Variants in CCT3 observed in about 807,000 individuals in gnomAD.
CCT3 encodes chaperonin containing TCP1 subunit 3.
Under a neutral mutation model 65.3 loss-of-function variants are expected in CCT3, and 10 were observed. That is an observed-to-expected ratio of 0.15 (90% CI 0.09 to 0.26). The LOEUF is 0.26. Ranked by LOEUF, CCT3 falls within the 10% of genes least tolerant of loss-of-function variation. CCT3 has a pLI of 1.00. For synonymous variants in CCT3, 225 were observed against 242.3 expected, an observed-to-expected ratio of 0.93 and a Z score of 0.66; for missense variants, 626 against 708.7, an observed-to-expected ratio of 0.88 and a Z score of 1.33.
At chr1:156,325,132 G>A (rs1664746244) in intron 5 of CCT3, 43 bp from the exon 6 acceptor site, 4 of 1,332,724 alleles carry the variant, frequency 3.0e-6, no homozygotes, top group Non-Finnish European at 4.3e-6. Context: ...AAAGCATCTG[G>A]ATATCAAGGC....
At position 156,310,623 on chromosome 1, in the gene CCT3, T is replaced by C. The variant is rs141644009; in HGVS notation, c.1468A>G (p.Met490Val). ...GGCTCCCATATGCCCAGTTCCTTCA[T>C]GTCCACCAAAGTACCCGTCTCACCA... ...VNGETGTLVD[M>V]KELGIWEPLA... Residue 490 changes from methionine to valine, a missense_variant, in exon 13 of 14, where the codon ATG becomes GTG. Physicochemically the swap from Met to Val is conservative, Grantham distance 21. Transcript: ENST00000295688. The C allele has an allele frequency of 8.1e-6, 13 of 1,613,994 alleles. No individual in the cohort carries two copies. Among genetic ancestry groups the C allele is most frequent in the Admixed American group, 1.7e-5 (1 of 59,998 alleles).
chr1:156,324,744 C>A (rs1664729851), intron 6 of CCT3, among the ~76,000 whole-genome samples: 1 of 152,156 alleles, frequency 6.6e-6, no homozygotes, highest in African/African-American at 2.4e-5. Flanking sequence ...TCTCCTGCCT[C>A]AGCCTCCCAA....
At chr1:156,322,639 C>T (rs938150770) in intron 6 of CCT3, among the ~76,000 whole-genome samples, 1 of 152,122 alleles carries the variant, frequency 6.6e-6, no homozygotes, top group East Asian at 1.9e-4. Context: ...AGGCGGATCA[C>T]CTGAGGTCGG....
intron 10 of CCT3, among the ~76,000 whole-genome samples, chr1:156,314,693 G>A (rs780437558): frequency 4.6e-5 from 7 of 151,974 alleles, no homozygotes; most frequent in South Asian, 2.1e-4. Flanking sequence ...CAGCGTGGGC[G>A]ACAAGAGCGA....
chr1:156,311,248 C>T (rs1572626227), intron 11 of CCT3, 53 bp from the exon 12 acceptor site: 10 of 1,570,774 alleles, frequency 6.4e-6, no homozygotes, highest in East Asian at 2.2e-5. Context: ...CTCATAAAAT[C>T]GGAGGCACCA....
intron 7 of CCT3, among the ~76,000 whole-genome samples, chr1:156,319,289 T>C (rs1413376498): frequency 2.0e-5 from 3 of 151,812 alleles, no homozygotes; most frequent in Admixed American, 1.3e-4. Context: ...ATTTTTTTTT[T>C]TGTATTTTAC....
At chr1:156,327,027 T>C (rs942825463) in intron 5 of CCT3, among the ~76,000 whole-genome samples, 20 of 152,278 alleles carry the variant, frequency 1.3e-4, no homozygotes, top group Admixed American at 3.3e-4. Flanking sequence ...GCCTGGGTGA[T>C]AGAGTGAGAC....
intron 6 of CCT3, among the ~76,000 whole-genome samples, chr1:156,321,841 C>A (rs1423344777): frequency 3.9e-5 from 6 of 151,948 alleles, no homozygotes; most frequent in Non-Finnish European, 8.8e-5. Context: ...GATTCCGTCT[C>A]AAAAAAACCC....
Position 156,334,839 on chromosome 1 carries a change from C to T in CCT3, c.144+29G>A, listed in dbSNP as rs1191766623. ...ATAACAGGAAGAAAAAAATTGTAGC[C>T]TAAGAGTTTTAGGAAGAGATAAGCC... On this transcript the variant is annotated intron_variant, in intron 3 of 13. Coordinates refer to ENST00000295688, the MANE Select transcript of CCT3 (RefSeq NM_005998.5). 1.9e-6 allele frequency: 3 copies of T among 1,613,718 alleles called. No homozygotes were observed. In the African/African-American group the frequency reaches 4.0e-5, roughly 22 times the overall value.
At chr1:156,331,860 G>A (rs1399493511) in intron 5 of CCT3, among the ~76,000 whole-genome samples, 2 of 150,118 alleles carry the variant, frequency 1.3e-5, no homozygotes, top group East Asian at 2.0e-4. Context: ...ATGAAGAAAC[G>A]CCGTCTCTAC....
At chr1:156,317,619 C>T (rs1457085446) in intron 8 of CCT3, 72 bp from the exon 9 acceptor site, 2 of 1,397,558 alleles carry the variant, frequency 1.4e-6, no homozygotes, top group Admixed American at 2.0e-5. Flanking sequence ...ATATTATACT[C>T]CTTCCACCCA....
intron 5 of CCT3, among the ~76,000 whole-genome samples, chr1:156,329,358 T>G (rs544294300): frequency 1.4e-5 from 2 of 142,186 alleles, no homozygotes; most frequent in Middle Eastern, 3.7e-3. Flanking sequence ...CAGGCTGGAG[T>G]GCAGTGGTGT....
chr1:156,334,610 T>C, intron 4 of CCT3, 103 bp downstream of exon 4: 1 of 1,020,040 alleles, frequency 9.8e-7, no homozygotes, highest in East Asian at 2.6e-5. Flanking sequence ...GGTAATCTGT[T>C]ATAGCAGCCC....
chr1:156,321,808 C>A (rs1278800493), intron 6 of CCT3, among the ~76,000 whole-genome samples: 2 of 152,096 alleles, frequency 1.3e-5, no homozygotes, highest in Admixed American at 6.6e-5. Context: ...TGTCACTGCA[C>A]GACAGCCTGG....
At chr1:156,310,914 T>A in intron 12 of CCT3, 36 bp downstream of exon 12, 1 of 1,603,370 alleles carries the variant, frequency 6.2e-7, no homozygotes, top group South Asian at 1.1e-5. Flanking sequence ...CAGCTTTCCC[T>A]GCTCCATCAA....
At chr1:156,330,017 C>G (rs1373406776) in intron 5 of CCT3, among the ~76,000 whole-genome samples, 1 of 151,648 alleles carries the variant, frequency 6.6e-6, no homozygotes, top group East Asian at 1.9e-4. Context: ...AGAACTGTAA[C>G]AGAAGATTTC....
At chr1:156,334,995 G>T in intron 2 of CCT3, 77 bp from the exon 3 acceptor site, 1 of 1,206,868 alleles carries the variant, frequency 8.3e-7, no homozygotes, top group Non-Finnish European at 1.2e-6. Context: ...ATAGGGAAAA[G>T]GGGCATGAAC....
At chr1:156,314,712 C>G (rs1664235920) in intron 10 of CCT3, among the ~76,000 whole-genome samples, 1 of 151,894 alleles carries the variant, frequency 6.6e-6, no homozygotes, top group African/African-American at 2.4e-5. Flanking sequence ...GAAACTCCAT[C>G]TCAAAAAAAT....
intron 5 of CCT3, among the ~76,000 whole-genome samples, chr1:156,328,104 C>T (rs1664926013): frequency 7.4e-6 from 1 of 135,648 alleles, no homozygotes; most frequent in Non-Finnish European, 1.6e-5. Context: ...GCCAGCCGCC[C>T]CGTCCGGGAG....
Sources: allele counts gnomAD v4.1 joint callset (sites outside exome capture counted in the v4.1 genomes callset), GRCh38; gene constraint gnomAD v4.1.1; transcripts MANE v1.5; gene names NCBI Gene and HGNC (gene_info 2026-07-23, HGNC 2026-07-21).